Variants in HSD17B12 observed in about 807,000 individuals in gnomAD.
HSD17B12 encodes hydroxysteroid 17-beta dehydrogenase 12.
A neutral mutation model predicts 39.3 loss-of-function variants in HSD17B12; 32 were observed. That is an observed-to-expected ratio of 0.81 (90% CI 0.61 to 1.09). The LOEUF is 1.09. Among genes scored for constraint, HSD17B12 ranks in the 50% least tolerant of loss-of-function variants. HSD17B12 has a pLI of 0.00. For synonymous variants in HSD17B12, 150 were observed against 146.7 expected, an observed-to-expected ratio of 1.02 and a Z score of -0.16; for missense variants, 342 against 382.9, an observed-to-expected ratio of 0.89 and a Z score of 0.89.
At chr11:43,780,591 A>C (rs1263688478) in intron 3 of HSD17B12, among the ~76,000 whole-genome samples, 1 of 152,216 alleles carries the variant, frequency 6.6e-6, no homozygotes, top group Non-Finnish European at 1.5e-5. Flanking sequence ...TATTGTTTTT[A>C]GTCTTTCTAA....
At chr11:43,739,978 T>C (rs1263168864) in intron 1 of HSD17B12, among the ~76,000 whole-genome samples, 1 of 151,996 alleles carries the variant, frequency 6.6e-6, no homozygotes, top group Non-Finnish European at 1.5e-5. Context: ...TTGGCTACAA[T>C]GTAGAGATTG....
chr11:43,652,668 CA>C, the HSD17B12 span, among the ~76,000 whole-genome samples: 42 of 148,714 alleles, frequency 2.8e-4, no homozygotes, highest in African/African-American at 6.7e-4. Flanking sequence ...AAGGATATTA[CA>C]AAAAAAAAAT....
rs561161092 is a variant in HSD17B12, at chr11:43,807,233, A to C, written c.392-8204A>C. On this transcript the variant is annotated intron_variant, in intron 4 of 10. Coordinates refer to ENST00000278353, the MANE Select transcript of HSD17B12 (RefSeq NM_016142.3). The stretch of plus-strand genomic sequence containing the variant: ...AGATAGCCATCGAACAAGTAGTGGG[A>C]ACGTGTTGCATGTAATGAAGGAGAA... Among the ~76,000 whole-genome samples the C allele has an allele frequency of 7.9e-5, 12 of 152,332 alleles. No homozygotes were observed. The South Asian group carries it at 2.3e-3, about 29-fold the overall frequency.
intron 1 of HSD17B12, chr11:43,681,285 T>C (rs1949741777): frequency 2.2e-6 from 1 of 463,688 alleles, no homozygotes; most frequent in Admixed American, 4.8e-5. Context: ...TTTAAGCCAT[T>C]CCGTGTTCAT....
intron 3 of HSD17B12, among the ~76,000 whole-genome samples, chr11:43,791,138 A>T: frequency 6.6e-6 from 1 of 152,234 alleles, no homozygotes; most frequent in East Asian, 1.9e-4. Flanking sequence ...GTTGGCACTC[A>T]AGTGCAGGTC....
At chr11:43,582,801 G>T in the HSD17B12 span, among the ~76,000 whole-genome samples, 2 of 152,192 alleles carry the variant, frequency 1.3e-5, no homozygotes, top group Non-Finnish European at 2.9e-5. Context: ...AGAAGGCACG[G>T]AAGGCGAGCA....
the HSD17B12 span, among the ~76,000 whole-genome samples, chr11:43,574,743 A>G: frequency 2.6e-5 from 4 of 152,184 alleles, no homozygotes; most frequent in Non-Finnish European, 4.4e-5. Context: ...CTCATTTTTC[A>G]GGGACATTAT....
chr11:43,611,158 A>G, the HSD17B12 span, among the ~76,000 whole-genome samples: 3 of 152,202 alleles, frequency 2.0e-5, no homozygotes, highest in Non-Finnish European at 4.4e-5. Context: ...AATCTTTGAT[A>G]TATTTTATTG....
rs770080973 is a variant in HSD17B12, at chr11:43,816,334, TA to T, written c.457-12del. On this transcript the variant is annotated splice_polypyrimidine_tract_variant and intron_variant, in intron 5 of 10. Coordinates refer to ENST00000278353, the MANE Select transcript of HSD17B12 (RefSeq NM_016142.3). The stretch of plus-strand genomic sequence containing the variant: ...GATCAAGTGTATATAAAATTCTCAA[TA>T]TTTTTTTGCAGGTGATCAAGAAAAT... 55 of 1,483,880 alleles carry T rather than the reference TA, an allele frequency of 3.7e-5. 1 individual carries two copies. The highest frequency in any genetic ancestry group is 6.2e-5 in the South Asian group (5 of 80,204). The allele number at this position is 1,483,880 out of a possible 1,614,324, so 91.9% of individuals were successfully genotyped here. A position where few individuals can be genotyped will look rare whatever the true frequency, so the allele number is the denominator to read the frequency against.
chr11:43,630,997 T>G, the HSD17B12 span, among the ~76,000 whole-genome samples: 1 of 151,894 alleles, frequency 6.6e-6, no homozygotes. Flanking sequence ...TAGAGATGGG[T>G]TTTTGCCATG....
chr11:43,707,498 T>A (rs923673404), intron 1 of HSD17B12, among the ~76,000 whole-genome samples: 1 of 152,222 alleles, frequency 6.6e-6, no homozygotes, highest in Non-Finnish European at 1.5e-5. Context: ...AACTTTGTAC[T>A]AATTTATCCC....
chr11:43,602,576 C>T, the HSD17B12 span, among the ~76,000 whole-genome samples: 3 of 152,086 alleles, frequency 2.0e-5, no homozygotes, highest in Non-Finnish European at 4.4e-5. Context: ...GCAGCTCCTG[C>T]CACATAACAG....
intron 3 of HSD17B12, among the ~76,000 whole-genome samples, chr11:43,784,301 A>ATATTATTATTATTAT (rs36168037): frequency 1.4e-5 from 2 of 143,116 alleles, no homozygotes; most frequent in African/African-American, 2.6e-5. Context: ...TCAGGGATTG[A>ATATTATTATTATTAT]TATTATTATT....
chr11:43,681,132 C>T, intron 1 of HSD17B12, 145 bp downstream of exon 1: 2 of 1,421,048 alleles, frequency 1.4e-6, no homozygotes, highest in Non-Finnish European at 1.8e-6. Flanking sequence ...CGGGCCCCTC[C>T]TGGCTCCCTT....
At chr11:43,742,139 A>ATATATTTT (rs61178234) in intron 1 of HSD17B12, among the ~76,000 whole-genome samples, 2,966 of 123,310 alleles carry the variant, frequency 0.024, 58 homozygotes, top group Non-Finnish European at 0.036. Flanking sequence ...ATATATATAT[A>ATATATTTT]TTTTTTTTTT....
At chr11:43,713,121 A>G (rs1950085301) in intron 1 of HSD17B12, among the ~76,000 whole-genome samples, 1 of 152,144 alleles carries the variant, frequency 6.6e-6, no homozygotes, top group Non-Finnish European at 1.5e-5. Context: ...TTTGGTAGTC[A>G]CCAGCTTTTT....
In HSD17B12 at chr11:43,810,367, T is replaced by TTATATATATATATATATATATATATA. The variant is rs59970877; in HGVS notation, c.392-5059_392-5034dup. 5.2e-4 allele frequency among the ~76,000 whole-genome samples: 31 copies of TTATATATATATATATATATATATATA among 59,612 alleles called. 1 individual carries two copies. Among genetic ancestry groups the TTATATATATATATATATATATATATA allele is most frequent in the South Asian group, 4.0e-3 (6 of 1,496 alleles). The allele number at this position is 59,612 out of a possible 152,430, so 39.1% of individuals were successfully genotyped here. ...ATTTTAAAGCAGTATAATTTAGAAA[T>TTATATATATATATATATATATATATA]TATATATATATATATATATATATAT... On this transcript the variant is annotated intron_variant, in intron 4 of 10. Coordinates refer to ENST00000278353, the MANE Select transcript of HSD17B12 (RefSeq NM_016142.3).
chr11:43,684,870 G>A (rs1295848765), intron 1 of HSD17B12, among the ~76,000 whole-genome samples: 1 of 152,010 alleles, frequency 6.6e-6, no homozygotes, highest in Admixed American at 6.6e-5. Flanking sequence ...ACCCCCACCC[G>A]CTCCAGCCCT....
chr11:43,613,660 G>A, the HSD17B12 span, among the ~76,000 whole-genome samples: 1 of 150,820 alleles, frequency 6.6e-6, no homozygotes, highest in African/African-American at 2.4e-5. Flanking sequence ...ACTCATCATA[G>A]CCTTCCATGA....
Sources: allele counts gnomAD v4.1 joint callset (sites outside exome capture counted in the v4.1 genomes callset), GRCh38; gene constraint gnomAD v4.1.1; transcripts MANE v1.5; gene names NCBI Gene and HGNC (gene_info 2026-07-23, HGNC 2026-07-21).